The following CDH11 variants were observed in gnomAD, a reference collection of about 807,000 sequenced individuals.
CDH11 encodes cadherin 11, also known as cadherin-11.
In CDH11, 11 loss-of-function variants were observed where a neutral mutation model predicts 67.8. The ratio of observed to expected loss-of-function variants is 0.16; its 90% CI spans 0.10 to 0.27. The LOEUF is 0.27. CDH11 is among the 10% of genes least tolerant of loss of function. The pLI is 1.00. For synonymous variants in CDH11, 419 were observed against 400.0 expected (o/e 1.05, Z -0.57); for missense variants, 847 against 1,031.2 (o/e 0.82, Z 2.45).
At chr16:65,026,360 T>C (rs1597107131) in intron 2 of CDH11, among the ~76,000 whole-genome samples, 1 of 152,160 alleles carries the variant, frequency 6.6e-6, no homozygotes, top group African/African-American at 2.4e-5. Context: ...TATGCCTAGC[T>C]AATGCCCAAA....
chr16:65,105,286 G>C (rs1597201649), intron 1 of CDH11, among the ~76,000 whole-genome samples: 1 of 152,170 alleles, frequency 6.6e-6, no homozygotes, highest in Non-Finnish European at 1.5e-5. Flanking sequence ...TTAGGAAAAG[G>C]CTGAACCGAA....
At chr16:65,016,025 A>G (rs2073298636) in intron 2 of CDH11, among the ~76,000 whole-genome samples, 1 of 152,178 alleles carries the variant, frequency 6.6e-6, no homozygotes, top group Non-Finnish European at 1.5e-5. Flanking sequence ...GCTGCTTCCA[A>G]TGATCAGAAA....
intron 1 of CDH11, among the ~76,000 whole-genome samples, chr16:65,102,579 A>G (rs17432264): frequency 0.14 from 21,217 of 152,222 alleles, 1,616 homozygotes; most frequent in East Asian, 0.21. Context: ...AGAACCATAA[A>G]CACCCTTGCA....
At chr16:65,009,650 A>G (rs1205337114) in intron 2 of CDH11, among the ~76,000 whole-genome samples, 8 of 152,192 alleles carry the variant, frequency 5.3e-5, no homozygotes, top group Admixed American at 5.2e-4. Context: ...TGGTTTTAAT[A>G]AAGACCCCCA....
At chr16:65,100,681 T>A (rs2074975514) in intron 1 of CDH11, among the ~76,000 whole-genome samples, 1 of 145,616 alleles carries the variant, frequency 6.9e-6, no homozygotes, top group African/African-American at 2.6e-5. Flanking sequence ...GAGGTTACAG[T>A]GAGCTGAGAT....
At chr16:65,091,612 T>G (rs1046458007) in intron 1 of CDH11, among the ~76,000 whole-genome samples, 1 of 149,804 alleles carries the variant, frequency 6.7e-6, no homozygotes, top group Admixed American at 6.7e-5. Context: ...AGTGCAGTGG[T>G]GCAATCTTAG....
intron 1 of CDH11, among the ~76,000 whole-genome samples, chr16:65,058,510 G>C (rs2074184783): frequency 6.6e-6 from 1 of 152,136 alleles, no homozygotes; most frequent in Admixed American, 6.5e-5. Flanking sequence ...GTCTGCAGAT[G>C]GGGGCTTCTT....
At chr16:64,953,244 C>T (rs28634089) in intron 11 of CDH11, among the ~76,000 whole-genome samples, 8,476 of 151,030 alleles carry the variant, frequency 0.056, 799 homozygotes, top group African/African-American at 0.19. Flanking sequence ...ATTTATTTTC[C>T]GTTAGATATC....
rs764918115 is a variant in CDH11 at position 64,943,895 on chromosome 16, C to A, written c.*3708G>T. 1 of 229,366 alleles carries A rather than the reference C, an allele frequency of 4.4e-6. No individual in the cohort carries two copies. The highest frequency in any genetic ancestry group is 8.6e-6 in the Non-Finnish European group (1 of 115,636). 14.2% of individuals were successfully genotyped at this position (229,366 alleles called of 1,614,324 possible). A position where few individuals can be genotyped will look rare whatever the true frequency, so the allele number is the denominator to read the frequency against. On this transcript the variant is annotated 3_prime_UTR_variant, in exon 13 of 13. Transcript: ENST00000268603. ...ATTCTAGTGGGGCAGTCAGTCCCACCCACCCACACACATACATAAAGCCAA... is the reference window on the plus strand; with the variant it reads ...ATTCTAGTGGGGCAGTCAGTCCCACACACCCACACACATACATAAAGCCAA...
In CDH11 at chr16:64,946,660, GCAGA is replaced by G. The variant is rs1188558201; in HGVS notation, c.*939_*942del. 1.4e-5 allele frequency: 14 copies of G among 987,032 alleles called. No individual in the cohort carries two copies. The highest frequency in any genetic ancestry group is 4.8e-5 in the South Asian group (1 of 20,782). 61.1% of individuals were successfully genotyped at this position (987,032 alleles called of 1,614,324 possible). A position where few individuals can be genotyped will look rare whatever the true frequency, so the allele number is the denominator to read the frequency against. ...TGATTTTAAATAAACAATAAAAGCA[GCAGA>G]CAGACAACAACAGATCATAAATAGG... On this transcript the variant is annotated 3_prime_UTR_variant, in exon 13 of 13. Coordinates refer to ENST00000268603, the MANE Select transcript of CDH11 (RefSeq NM_001797.4).
At chr16:64,977,421 G>T (rs35219) in intron 8 of CDH11, among the ~76,000 whole-genome samples, 39,642 of 152,032 alleles carry the variant, frequency 0.26, 5,980 homozygotes, top group Middle Eastern at 0.36. Context: ...AGACAATGAG[G>T]TGCAGAGGAA....
chr16:64,971,549 C>T (rs1476029707), intron 11 of CDH11, 30 bp downstream of exon 11: 2 of 1,316,962 alleles, frequency 1.5e-6, no homozygotes, highest in Admixed American at 1.9e-5. Flanking sequence ...AGTTCTACTT[C>T]TCTGAATGCG....
chr16:65,022,363 A>C (rs1396817412), intron 2 of CDH11, among the ~76,000 whole-genome samples: 2 of 152,198 alleles, frequency 1.3e-5, no homozygotes, highest in African/African-American at 2.4e-5. Context: ...AGGTGGATCC[A>C]AATTATCTCT....
chr16:65,000,739 G>A (rs1294624719), intron 3 of CDH11, among the ~76,000 whole-genome samples: 2 of 152,088 alleles, frequency 1.3e-5, no homozygotes, highest in African/African-American at 4.8e-5. Flanking sequence ...AAACCAGGAG[G>A]TGGAGGTTGC....
At chr16:65,093,889 T>C (rs1232562282) in intron 1 of CDH11, among the ~76,000 whole-genome samples, 2 of 152,224 alleles carry the variant, frequency 1.3e-5, no homozygotes, top group African/African-American at 4.8e-5. Context: ...GTCTATCATT[T>C]GAATATATGT....
intron 11 of CDH11, among the ~76,000 whole-genome samples, chr16:64,961,012 T>G (rs2071658583): frequency 6.6e-6 from 1 of 152,170 alleles, no homozygotes; most frequent in South Asian, 2.1e-4. Context: ...CTAATTTTGC[T>G]GGATGTGCTT....
intron 1 of CDH11, among the ~76,000 whole-genome samples, chr16:65,115,707 CAA>C (rs750108148): frequency 5.0e-5 from 3 of 60,160 alleles, no homozygotes; most frequent in Non-Finnish European, 1.0e-4. Context: ...AAGGCTACAC[CAA>C]AAAAAAAAAA....
chr16:64,949,522 G>T (rs2071298373), intron 12 of CDH11, among the ~76,000 whole-genome samples: 1 of 150,178 alleles, frequency 6.7e-6, no homozygotes, highest in Non-Finnish European at 1.5e-5. Flanking sequence ...TGCCTCCTGG[G>T]TTCAAGCGAT....
intron 1 of CDH11, chr16:65,071,890 C>T (rs948173435): frequency 2.0e-5 from 3 of 152,308 alleles, no homozygotes; most frequent in Admixed American, 2.0e-4. Flanking sequence ...ACGGCACTGC[C>T]AGCCTCAAGC....
Sources: gnomAD v4.1 joint callset for allele counts (sites outside exome capture counted in the v4.1 genomes callset) on GRCh38, gnomAD v4.1.1 for gene constraint, MANE v1.5 for transcripts, NCBI Gene and HGNC (gene_info 2026-07-23, HGNC 2026-07-21) for gene names.